The following SGCZ variants were observed in gnomAD, a reference collection of about 807,000 sequenced individuals.
SGCZ encodes sarcoglycan zeta.
A neutral mutation model predicts 41.3 loss-of-function variants in SGCZ; 40 were observed. The observed-to-expected ratio is 0.97, with a 90% confidence interval of 0.75 to 1.26. The LOEUF (loss-of-function observed/expected upper bound fraction) is 1.26. Among genes scored for constraint, SGCZ ranks in the 50% most tolerant of loss-of-function variants. SGCZ has a pLI of 0.00. For missense variants in SGCZ, 552 were observed against 369.8 expected, an observed-to-expected ratio of 1.49 and a Z score of -4.04; for synonymous variants, 206 against 137.5, an observed-to-expected ratio of 1.50 and a Z score of -3.49.
intron 1 of SGCZ, among the ~76,000 whole-genome samples, chr8:14,640,705 T>G (rs1806995676): frequency 6.6e-6 from 1 of 151,524 alleles, no homozygotes; most frequent in Admixed American, 6.6e-5. Context: ...GTTTTAACTT[T>G]TACTTGAAGA....
chr8:15,038,036 C>G (rs1803933353), intron 1 of SGCZ, among the ~76,000 whole-genome samples: 2 of 151,966 alleles, frequency 1.3e-5, no homozygotes, highest in Admixed American at 1.3e-4. Flanking sequence ...CTAACGGAAG[C>G]AATGAACAGA....
intron 1 of SGCZ, among the ~76,000 whole-genome samples, chr8:14,846,989 T>A (rs1272742031): frequency 6.6e-6 from 1 of 152,008 alleles, no homozygotes; most frequent in East Asian, 1.9e-4. Context: ...GGAGAATTGC[T>A]TGAACCTGGG....
intron 2 of SGCZ, among the ~76,000 whole-genome samples, chr8:14,409,663 A>G (rs973908778): frequency 1.3e-5 from 2 of 152,184 alleles, no homozygotes; most frequent in Non-Finnish European, 2.9e-5. Flanking sequence ...CAGCAAAAAT[A>G]GCTAACGCTA....
chr8:14,648,334 A>T (rs1421868844), intron 1 of SGCZ, among the ~76,000 whole-genome samples: 1 of 152,110 alleles, frequency 6.6e-6, no homozygotes, highest in Non-Finnish European at 1.5e-5. Flanking sequence ...TATAAGAAAC[A>T]TGCTTTCTTC....
At position 14,897,525 on chromosome 8, in the gene SGCZ, G is replaced by A. The variant is rs912001601; in HGVS notation, c.39+340060C>T. ...CCCTTTTCAACATGTCAATGGTGAG[G>A]AAGGCATCCAAATTGCACCCTCAGT... On this transcript the variant is annotated intron_variant, in intron 1 of 7. Coordinates refer to ENST00000382080, the MANE Select transcript of SGCZ (RefSeq NM_139167.4). Among the ~76,000 whole-genome samples, 5 of 152,128 alleles carry A rather than the reference G, an allele frequency of 3.3e-5. No homozygotes were observed. In the East Asian group the frequency reaches 9.7e-4, roughly 29 times the overall value.
chr8:14,264,265 C>T (rs1799783192), intron 3 of SGCZ, among the ~76,000 whole-genome samples: 1 of 152,152 alleles, frequency 6.6e-6, no homozygotes, highest in Non-Finnish European at 1.5e-5. Flanking sequence ...CACAGGGATG[C>T]TGTGTGTTTA....
At chr8:15,110,221 G>A (rs1806994372) in intron 1 of SGCZ, among the ~76,000 whole-genome samples, 1 of 152,150 alleles carries the variant, frequency 6.6e-6, no homozygotes, top group Admixed American at 6.5e-5. Flanking sequence ...GTAGGAAGCA[G>A]GCCAGTCAGA....
chr8:15,219,244 C>G (rs2117179872), intron 1 of SGCZ, among the ~76,000 whole-genome samples: 1 of 152,248 alleles, frequency 6.6e-6, no homozygotes, highest in Middle Eastern at 3.4e-3. Flanking sequence ...ATGTGGATTA[C>G]TCTCATGATA....
chr8:15,154,005 G>A (rs1001526644), intron 1 of SGCZ, among the ~76,000 whole-genome samples: 1 of 151,968 alleles, frequency 6.6e-6, no homozygotes, highest in Non-Finnish European at 1.5e-5. Flanking sequence ...TCACATGCAC[G>A]GTTCACGATA....
chr8:14,624,396 C>A (rs1297518305), intron 1 of SGCZ, among the ~76,000 whole-genome samples: 1 of 151,794 alleles, frequency 6.6e-6, no homozygotes, highest in Non-Finnish European at 1.5e-5. Flanking sequence ...AATTCATCGA[C>A]TTTCAAATAC....
intron 2 of SGCZ, among the ~76,000 whole-genome samples, chr8:14,349,586 C>T (rs866270564): frequency 6.6e-6 from 1 of 152,132 alleles, no homozygotes; most frequent in Non-Finnish European, 1.5e-5. Context: ...GTAAAAGACT[C>T]TGAGATCCTA....
At chr8:14,669,339 C>T (rs1485820566) in intron 1 of SGCZ, among the ~76,000 whole-genome samples, 1 of 139,228 alleles carries the variant, frequency 7.2e-6, no homozygotes, top group African/African-American at 2.6e-5. Flanking sequence ...GCCTGGACAA[C>T]AGAGCAAGAC....
chr8:14,091,935 G>C (rs1317393325), intron 7 of SGCZ, among the ~76,000 whole-genome samples: 1 of 152,098 alleles, frequency 6.6e-6, no homozygotes, highest in African/African-American at 2.4e-5. Context: ...TTCTTCTAGG[G>C]TTTTTACAGT....
chr8:14,655,446 T>A (rs1380164564), intron 1 of SGCZ, among the ~76,000 whole-genome samples: 2 of 152,158 alleles, frequency 1.3e-5, no homozygotes, highest in Non-Finnish European at 2.9e-5. Context: ...AATAACCAAT[T>A]GTTTTATGGG....
At chr8:14,813,280 C>T (rs1038584669) in intron 1 of SGCZ, among the ~76,000 whole-genome samples, 8 of 152,106 alleles carry the variant, frequency 5.3e-5, no homozygotes, top group African/African-American at 1.4e-4. Flanking sequence ...GTATTCACGT[C>T]GTATGAAATT....
intron 1 of SGCZ, among the ~76,000 whole-genome samples, chr8:15,116,028 T>A (rs1242618474): frequency 6.6e-6 from 1 of 152,170 alleles, no homozygotes; most frequent in Non-Finnish European, 1.5e-5. Flanking sequence ...CCTTATAGAT[T>A]AAAAACAGCC....
intron 1 of SGCZ, among the ~76,000 whole-genome samples, chr8:14,835,767 G>T (rs1441732368): frequency 1.3e-5 from 2 of 152,120 alleles, no homozygotes; most frequent in African/African-American, 4.8e-5. Context: ...CATTCCTGAG[G>T]CCAAAAGCCA....
At chr8:15,117,167 C>G (rs1373759260) in intron 1 of SGCZ, among the ~76,000 whole-genome samples, 1 of 151,958 alleles carries the variant, frequency 6.6e-6, no homozygotes, top group Admixed American at 6.6e-5. Flanking sequence ...GTCAGGAGAT[C>G]GAGACCACGG....
intron 1 of SGCZ, among the ~76,000 whole-genome samples, chr8:14,772,700 T>A (rs1285951751): frequency 6.6e-6 from 1 of 151,268 alleles, no homozygotes. Context: ...GTTCTTGCAA[T>A]GTTTACTGAG....
Sources: allele counts gnomAD v4.1 joint callset (sites outside exome capture counted in the v4.1 genomes callset), GRCh38; gene constraint gnomAD v4.1.1; transcripts MANE v1.5; gene names NCBI Gene and HGNC (gene_info 2026-07-23, HGNC 2026-07-21).